The following DPP6 variants were observed in gnomAD, a reference collection of about 807,000 sequenced individuals.
The protein encoded by DPP6 is dipeptidyl peptidase like 6, also known as A-type potassium channel modulatory protein DPP6.
In DPP6, 69 loss-of-function variants were observed where a neutral mutation model predicts 122.6. That is an observed-to-expected ratio of 0.56 (90% confidence interval 0.46 to 0.69). The LOEUF is 0.69. Among genes scored for constraint, DPP6 ranks in the 30% least tolerant of loss-of-function variants. DPP6 has a pLI of 0.00. For synonymous variants in DPP6, 418 were observed against 433.1 expected, an observed-to-expected ratio of 0.97 and a Z score of 0.43; for missense variants, 928 against 1,116.9, an observed-to-expected ratio of 0.83 and a Z score of 2.41.
At chr7:153,782,802 G>T in the DPP6 span, among the ~76,000 whole-genome samples, 3 of 152,180 alleles carry the variant, frequency 2.0e-5, no homozygotes, top group East Asian at 1.9e-4. Flanking sequence ...GCATCTCTCC[G>T]CTCTGTGTTG....
At chr7:154,372,802 C>T (rs1292542355) in intron 1 of DPP6, among the ~76,000 whole-genome samples, 1 of 152,204 alleles carries the variant, frequency 6.6e-6, no homozygotes, top group East Asian at 1.9e-4. Flanking sequence ...CCCCCTGCAT[C>T]AGTGTAAGTC....
the DPP6 span, among the ~76,000 whole-genome samples, chr7:153,841,119 C>T: frequency 8.5e-5 from 13 of 152,302 alleles, no homozygotes; most frequent in Admixed American, 5.2e-4. Flanking sequence ...ACAGTCATTG[C>T]GTCACCAATA....
At chr7:154,557,153 A>G (rs375535157) in intron 4 of DPP6, among the ~76,000 whole-genome samples, 1 of 152,206 alleles carries the variant, frequency 6.6e-6, no homozygotes, top group Non-Finnish European at 1.5e-5. Context: ...CATCGGGGGC[A>G]TCCAAGCTTA....
intron 8 of DPP6, among the ~76,000 whole-genome samples, chr7:154,743,670 G>A (rs189463303): frequency 8.1e-4 from 123 of 152,208 alleles, no homozygotes; most frequent in Non-Finnish European, 1.1e-3. Flanking sequence ...TGGTATATAC[G>A]CAGGGGATTG....
intron 1 of DPP6, among the ~76,000 whole-genome samples, chr7:153,957,647 A>C (rs923282739): frequency 6.6e-6 from 1 of 152,078 alleles, no homozygotes; most frequent in African/African-American, 2.4e-5. Context: ...CAACACTGAA[A>C]CTTCCTGGCC....
chr7:154,049,582 A>G (rs1401599868), upstream of DPP6, among the ~76,000 whole-genome samples: 2 of 82,038 alleles, frequency 2.4e-5, no homozygotes, highest in African/African-American at 8.3e-5. Context: ...GGTATAGAAC[A>G]TTTATTTATT....
intron 1 of DPP6, among the ~76,000 whole-genome samples, chr7:154,007,011 T>G (rs1303782427): frequency 6.6e-6 from 1 of 152,188 alleles, no homozygotes; most frequent in Non-Finnish European, 1.5e-5. Flanking sequence ...ACTGGTTGTT[T>G]AGAAGGTGGC....
At chr7:153,911,905 TAGTA>T (rs1312416427) in intron 1 of DPP6, among the ~76,000 whole-genome samples, 1 of 152,256 alleles carries the variant, frequency 6.6e-6, no homozygotes, top group Non-Finnish European at 1.5e-5. Context: ...ATTAAAATCT[TAGTA>T]AGGTGATAAT....
chr7:153,859,861 G>C, the DPP6 span, among the ~76,000 whole-genome samples: 423 of 152,204 alleles, frequency 2.8e-3, 2 homozygotes, highest in Admixed American at 7.7e-3. Context: ...ATCAGATCTC[G>C]TGAGAACTCA....
At chr7:154,669,328 G>C (rs752177161) in intron 6 of DPP6, 32 bp from the exon 7 acceptor site, 1 of 1,551,570 alleles carries the variant, frequency 6.4e-7, no homozygotes, top group South Asian at 1.2e-5. Flanking sequence ...CCAACATTTT[G>C]CTTTGTTTTT....
chr7:154,843,352 CTAAACA>C (rs1287229029), intron 16 of DPP6, among the ~76,000 whole-genome samples: 1 of 152,136 alleles, frequency 6.6e-6, no homozygotes, highest in Non-Finnish European at 1.5e-5. Flanking sequence ...AAGACTAGAC[CTAAACA>C]TAAAGATACC....
intron 1 of DPP6, among the ~76,000 whole-genome samples, chr7:154,293,026 T>C (rs1286090800): frequency 6.6e-6 from 1 of 152,206 alleles, no homozygotes; most frequent in African/African-American, 2.4e-5. Context: ...TAAGTAGTTA[T>C]CTTTGCTGTT....
At chr7:154,052,198 G>A (rs992668135), upstream of DPP6, among the ~76,000 whole-genome samples, 6 of 151,642 alleles carry the variant, frequency 4.0e-5, no homozygotes, top group Admixed American at 1.3e-4. This position sits in a 1 kb window ranked among gnomAD's most constrained non-coding sequence, Gnocchi z 4.8. Context: ...CACGACCCGC[G>A]TGGTCCCAGC....
chr7:154,176,838 TC>T (rs1177853632), intron 1 of DPP6, among the ~76,000 whole-genome samples: 1 of 152,138 alleles, frequency 6.6e-6, no homozygotes, highest in Non-Finnish European at 1.5e-5. Context: ...CATTTTTTTT[TC>T]TTTTTCTTTT....
intron 1 of DPP6, among the ~76,000 whole-genome samples, chr7:153,894,330 CCAATTTTATTTGATAGCAAGACCACATT>C (rs1427619146): frequency 6.6e-6 from 1 of 152,090 alleles, no homozygotes; most frequent in Non-Finnish European, 1.5e-5. Flanking sequence ...GTTGTGGGAG[CCAATTTTATTTGATAGCAAGACCACATT>C]TTAGAACTCA....
chr7:154,522,043 A>T (rs1271703887), intron 3 of DPP6, among the ~76,000 whole-genome samples: 1 of 151,836 alleles, frequency 6.6e-6, no homozygotes, highest in African/African-American at 2.4e-5. Flanking sequence ...CGGCTACTGC[A>T]AGCTCCACCT....
At chr7:154,522,481 G>C (rs1458279423) in intron 3 of DPP6, among the ~76,000 whole-genome samples, 1 of 152,154 alleles carries the variant, frequency 6.6e-6, no homozygotes, top group Non-Finnish European at 1.5e-5. Flanking sequence ...GAAATCTCCA[G>C]GTCTCGGGAG....
intron 1 of DPP6, among the ~76,000 whole-genome samples, chr7:153,913,915 T>C (rs937080999): frequency 3.3e-5 from 5 of 152,168 alleles, no homozygotes; most frequent in African/African-American, 1.2e-4. Flanking sequence ...ATACGGACTT[T>C]CTTATGAATG....
At chr7:153,943,757 TA>T (rs1166111414) in intron 1 of DPP6, among the ~76,000 whole-genome samples, 1 of 152,208 alleles carries the variant, frequency 6.6e-6, no homozygotes, top group Non-Finnish European at 1.5e-5. Context: ...TCAGTGTTTA[TA>T]AAAAGCAATT....
Sources: allele counts gnomAD v4.1 joint callset (sites outside exome capture counted in the v4.1 genomes callset), GRCh38; gene constraint gnomAD v4.1.1; non-coding constraint Gnocchi (gnomAD v3.1); transcripts MANE v1.5; gene names NCBI Gene and HGNC (gene_info 2026-07-23, HGNC 2026-07-21).